Variants in MYL1 observed in about 807,000 individuals in gnomAD.
MYL1 encodes myosin light chain 1/3, skeletal muscle isoform.
In MYL1, 16 loss-of-function variants were observed where a neutral mutation model predicts 21.8. That is an observed-to-expected ratio of 0.74 (90% CI 0.50 to 1.12). MYL1 has a LOEUF of 1.12. Ranked by LOEUF, MYL1 falls within the 50% of genes most tolerant of loss-of-function variation. MYL1 has a pLI of 0.00. For missense variants in MYL1, 246 were observed against 241.0 expected (o/e 1.02, Z -0.14); for synonymous variants, 99 against 85.2 (o/e 1.16, Z -0.89).
chr2:210,301,639 T>C (rs535208507), intron 2 of MYL1, among the ~76,000 whole-genome samples: 11 of 152,122 alleles, frequency 7.2e-5, no homozygotes, highest in Non-Finnish European at 1.6e-4. Flanking sequence ...CACTTAGATA[T>C]GTGACTCTTT....
At chr2:210,307,637 TA>T (rs1690356925) in intron 1 of MYL1, among the ~76,000 whole-genome samples, 1 of 152,200 alleles carries the variant, frequency 6.6e-6, no homozygotes, top group East Asian at 1.9e-4. Context: ...CTTAGTAAAC[TA>T]GTTACATTCC....
At chr2:210,303,806 G>T (rs1397998460) in intron 1 of MYL1, among the ~76,000 whole-genome samples, 1 of 152,194 alleles carries the variant, frequency 6.6e-6, no homozygotes, top group African/African-American at 2.4e-5. Flanking sequence ...GACAGCCATA[G>T]TGAGATGGAA....
chr2:210,310,714 A>G lies in MYL1; in HGVS notation c.132+4197T>C, dbSNP rs148484598. Among the ~76,000 whole-genome samples, 115 of 152,194 alleles carry G rather than the reference A, an allele frequency of 7.6e-4. 3 individuals are homozygous for G. In the East Asian group the frequency reaches 0.021, roughly 28 times the overall value. The stretch of plus-strand genomic sequence containing the variant: ...GCTATGGAGAACAGAATAGTAGTGA[A>G]CAGTCAAGGTCAAAAGTCTTGGTGA... On this transcript the variant is annotated intron_variant, in intron 1 of 6. Coordinates refer to ENST00000352451, the MANE Select transcript of MYL1 (RefSeq NM_079420.3).
chr2:210,294,958 C>G (rs1021587291), intron 3 of MYL1, among the ~76,000 whole-genome samples: 3 of 152,096 alleles, frequency 2.0e-5, no homozygotes, highest in Non-Finnish European at 4.4e-5. Flanking sequence ...TTCTTTAAAT[C>G]CTTTCTTTAA....
rs1575703475 is a variant in MYL1 at position 210,298,272 on chromosome 2, AT to A, written c.304+147del. Reference sequence around the variant, plus strand: ...AATCAAGAATAAACTGAGCCCTATTATGTGAAACATTTTTAAATCAATCTTT... The same window carrying A: ...AATCAAGAATAAACTGAGCCCTATTAGTGAAACATTTTTAAATCAATCTTT... On this transcript the variant is annotated intron_variant, in intron 3 of 6. Coordinates refer to ENST00000352451, the MANE Select transcript of MYL1 (RefSeq NM_079420.3). 16 of 923,630 alleles carry A rather than the reference AT, an allele frequency of 1.7e-5. No homozygotes were observed. The East Asian group carries it at 4.0e-4, about 23-fold the overall frequency. 57.2% of individuals were successfully genotyped at this position (923,630 alleles called of 1,614,324 possible).
chr2:210,295,697 C>G (rs1230972233), intron 3 of MYL1, among the ~76,000 whole-genome samples: 1 of 151,686 alleles, frequency 6.6e-6, no homozygotes, highest in African/African-American at 2.4e-5. Context: ...TGTGGTGGCT[C>G]ACGCCTATAA....
In MYL1 at chr2:210,298,317, CAT is replaced by C. The variant is rs984778311; in HGVS notation, c.304+101_304+102del. The C allele has an allele frequency of 6.9e-6, 9 of 1,298,566 alleles. No individual in the cohort carries two copies. In the East Asian group the frequency reaches 1.0e-4, roughly 15 times the overall value. 80.4% of individuals were successfully genotyped at this position (1,298,566 alleles called of 1,614,324 possible). ...AATCTTTCTCTCTCTCACACACACA[CAT>C]ACTACACACACACACATACTACACA... On this transcript the variant is annotated intron_variant, in intron 3 of 6. Coordinates refer to ENST00000352451, the MANE Select transcript of MYL1 (RefSeq NM_079420.3).
At chr2:210,296,991 T>TTGTGTG (rs36073440) in intron 3 of MYL1, among the ~76,000 whole-genome samples, 23 of 143,240 alleles carry the variant, frequency 1.6e-4, no homozygotes, top group African/African-American at 2.0e-4. Flanking sequence ...TAGTATTCCA[T>TTGTGTG]TGTGTGTGTG....
intron 6 of MYL1, 111 bp downstream of exon 6, chr2:210,290,921 C>A: frequency 1.8e-6 from 1 of 557,466 alleles, no homozygotes; most frequent in African/African-American, 1.9e-5. Context: ...ATATAAATAT[C>A]TCGTAATTAA....
intron 1 of MYL1, among the ~76,000 whole-genome samples, chr2:210,308,832 C>A (rs1323025335): frequency 6.7e-6 from 1 of 148,608 alleles, no homozygotes; most frequent in African/African-American, 2.5e-5. Flanking sequence ...CATTTGTTTG[C>A]ATGTAATTTC....
At position 210,302,778 on chromosome 2, in the gene MYL1, G is replaced by T. The variant is rs184563845; in HGVS notation, c.133-263C>A. The T allele has an allele frequency of 7.4e-4, 1,165 of 1,566,060 alleles. 16 individuals carry two copies. The highest frequency in any genetic ancestry group is 1.7e-4 in the Middle Eastern group (1 of 6,018). ...ACTCAATTCACTTACCAGCAATCTG[G>T]TCAGCACTGAAGGACTGCAGTGGCG... On this transcript the variant is annotated intron_variant, in intron 1 of 6. Coordinates refer to ENST00000352451, the MANE Select transcript of MYL1 (RefSeq NM_079420.3).
At chr2:210,297,761 T>C (rs201977466) in intron 3 of MYL1, among the ~76,000 whole-genome samples, 4 of 151,928 alleles carry the variant, frequency 2.6e-5, no homozygotes, top group African/African-American at 7.2e-5. Context: ...CTGATTTTTT[T>C]CCTAGGATTA....
At chr2:210,302,936 T>C in intron 1 of MYL1, 2 of 715,058 alleles carry the variant, frequency 2.8e-6, no homozygotes, top group Middle Eastern at 3.9e-4. Flanking sequence ...AGGATACTTT[T>C]GAATCTAGGA....
At chr2:210,293,849 C>A (rs761079428) in intron 4 of MYL1, 49 bp from the exon 5 acceptor site, 1 of 1,530,604 alleles carries the variant, frequency 6.5e-7, no homozygotes, top group Admixed American at 1.7e-5. Flanking sequence ...GTGTTATTTT[C>A]AAAATCCACC....
At chr2:210,302,549 T>C (rs747039198) in intron 1 of MYL1, 34 bp from the exon 2 acceptor site, 2 of 1,599,462 alleles carry the variant, frequency 1.3e-6, no homozygotes, top group Non-Finnish European at 1.7e-6. Flanking sequence ...AAGAATGTTT[T>C]AACCAAACAA....
chr2:210,297,614 G>A (rs541940020), intron 3 of MYL1, among the ~76,000 whole-genome samples: 6 of 150,288 alleles, frequency 4.0e-5, no homozygotes, highest in African/African-American at 1.5e-4. Flanking sequence ...TGTTTGTTTT[G>A]AGTATCATTT....
intron 1 of MYL1, among the ~76,000 whole-genome samples, chr2:210,314,449 C>T (rs1559665020): frequency 6.6e-6 from 1 of 152,096 alleles, no homozygotes; most frequent in Admixed American, 6.5e-5. Flanking sequence ...AGGAAAGTAA[C>T]TGTCAAATAC....
intron 1 of MYL1, among the ~76,000 whole-genome samples, chr2:210,313,225 A>G (rs1248849677): frequency 6.6e-6 from 1 of 151,940 alleles, no homozygotes; most frequent in South Asian, 2.1e-4. Context: ...TTAGGTAAAG[A>G]GGTACATTTT....
chr2:210,312,657 G>A (rs994163918), intron 1 of MYL1, among the ~76,000 whole-genome samples: 1 of 151,866 alleles, frequency 6.6e-6, no homozygotes, highest in Non-Finnish European at 1.5e-5. Flanking sequence ...TTACAAAAGT[G>A]TGTTAGTTTC....
Sources: allele counts gnomAD v4.1 joint callset (sites outside exome capture counted in the v4.1 genomes callset), GRCh38; gene constraint gnomAD v4.1.1; transcripts MANE v1.5; gene names NCBI Gene and HGNC (gene_info 2026-07-23, HGNC 2026-07-21).